Variants in ZNF268 observed in about 807,000 individuals in gnomAD.
The protein encoded by ZNF268 is zinc finger protein 268.
ZNF268 carries 20 observed loss-of-function variants against 29.3 expected under a neutral mutation model. The observed-to-expected ratio is 0.68, with a 90% CI of 0.48 to 0.99. The LOEUF is 0.99. ZNF268 is among the 50% of genes least tolerant of loss of function. ZNF268 has a pLI of 0.00. For synonymous variants in ZNF268, 429 were observed against 376.9 expected, an observed-to-expected ratio of 1.14 and a Z score of -1.60; for missense variants, 1,240 against 1,121.6, an observed-to-expected ratio of 1.11 and a Z score of -1.51.
chr12:133,185,477 G>C (rs1213628505), intron 2 of ZNF268, among the ~76,000 whole-genome samples: 1 of 150,640 alleles, frequency 6.6e-6, no homozygotes, highest in Non-Finnish European at 1.5e-5. Context: ...GGGAGTGAGA[G>C]AGAGGAGAGC....
intron 3 of ZNF268, among the ~76,000 whole-genome samples, chr12:133,189,736 G>C (rs77121947): frequency 6.6e-6 from 1 of 151,934 alleles, no homozygotes; most frequent in South Asian, 2.1e-4. Context: ...GGACAGTTTT[G>C]TTTCTTTCCA....
chr12:133,202,693 A>G lies in ZNF268; in HGVS notation c.1007A>G (p.Glu336Gly), dbSNP rs1159588942. ...GGAGAGAAACTACATGAATGCAGTG[A>G]ATGCAGGAAAACATTCAGTTTCCAT... ...HTGEKLHECS[E>G]CRKTFSFHSQ... The change falls in exon 6 of 6, where the codon GAA (glutamate) becomes GGA (glycine). Residue 336 changes from glutamate (E) to glycine (G), a missense_variant. Around this residue, in one of 3 missense-constraint regions of ZNF268, gnomAD observed 1,177 missense variants for 1,039.6 expected, o/e 1.13. Transcript: ENST00000536435. 3.1e-6 allele frequency: 5 copies of G among 1,610,710 alleles called. No homozygotes were observed. The highest frequency in any genetic ancestry group is 4.2e-6 in the Non-Finnish European group (5 of 1,178,358).
In ZNF268 at chr12:133,203,581, G is replaced by A; in HGVS notation, c.1895G>A (p.Arg632Lys). The A allele has an allele frequency of 6.4e-7, 1 of 1,568,504 alleles. No homozygotes were observed. Among genetic ancestry groups the A allele is most frequent in the Non-Finnish European group, 8.6e-7 (1 of 1,160,156 alleles). Reference protein sequence around the residue: ...NTKSNLIVHQRTHTGEKPYSC... With the variant: ...NTKSNLIVHQKTHTGEKPYSC... ...AAGTCAAACCTGATTGTACATCAGA[G>A]AACTCATACAGGAGAGAAACCCTAT... Residue 632 changes from arginine to lysine, a missense_variant, in exon 6 of 6, where the codon AGA becomes AAA. Physicochemically the swap from Arg to Lys is conservative, Grantham distance 26. Around this residue, in one of 3 missense-constraint regions of ZNF268, gnomAD observed 1,177 missense variants for 1,039.6 expected, o/e 1.13. Transcript: ENST00000536435.
chr12:133,192,461 A>G (rs945129006), intron 5 of ZNF268, among the ~76,000 whole-genome samples: 4 of 151,700 alleles, frequency 2.6e-5, no homozygotes, highest in South Asian at 2.1e-4. Context: ...TCCTTACTCT[A>G]TCTTGGTGAT....
chr12:133,204,404 T>A lies in ZNF268; in HGVS notation c.2718T>A (p.Ile906=). Residue 906 remains isoleucine (I), a synonymous_variant, in exon 6 of 6, where the codon ATT becomes ATA. Coordinates refer to ENST00000536435, the MANE Select transcript of ZNF268 (RefSeq NM_003415.3). ...GGAAAACCTTCTCTCAAAAATCAATTCTCAGTGCACATCAGAGAACACATA... is the reference window on the plus strand; with the variant it reads ...GGAAAACCTTCTCTCAAAAATCAATACTCAGTGCACATCAGAGAACACATA... ...ECGKTFSQKS[I]LSAHQRTHTG... is the part of the protein sequence containing the mutation. The A allele has an allele frequency of 1.0e-5, 16 of 1,569,230 alleles. No individual in the cohort carries two copies. Among genetic ancestry groups the A allele is most frequent in the Non-Finnish European group, 1.4e-5 (16 of 1,162,334 alleles).
intron 3 of ZNF268, among the ~76,000 whole-genome samples, chr12:133,189,513 C>T (rs1171462428): frequency 5.9e-5 from 9 of 152,146 alleles, no homozygotes; most frequent in Admixed American, 5.9e-4. Flanking sequence ...CGGCATCCAG[C>T]TAGTTTCTTA....
At chr12:133,193,587 C>T (rs1462096170) in intron 5 of ZNF268, 1 of 581,056 alleles carries the variant, frequency 1.7e-6, no homozygotes, top group African/African-American at 1.9e-5. Context: ...AGATCATTCC[C>T]TCAAGCCCTT....
intron 5 of ZNF268, among the ~76,000 whole-genome samples, chr12:133,200,129 A>G (rs933252169): frequency 6.6e-6 from 1 of 151,930 alleles, no homozygotes; most frequent in Non-Finnish European, 1.5e-5. Flanking sequence ...TAAGGTGTCA[A>G]TTTTGGATCT....
Position 133,206,461 on chromosome 12 carries a change from C to T in ZNF268, c.*1931C>T, listed in dbSNP as rs1312011330. ...ACTTAGTTACATGTAGCTATAGAGTCACAGTGGTGAAAAACTCTGCCAGTT... is the reference window on the plus strand; with the variant it reads ...ACTTAGTTACATGTAGCTATAGAGTTACAGTGGTGAAAAACTCTGCCAGTT... On this transcript the variant is annotated 3_prime_UTR_variant, in exon 6 of 6. Transcript: ENST00000536435. The T allele has an allele frequency of 6.6e-6, 1 of 152,136 alleles. No individual in the cohort carries two copies. Among genetic ancestry groups the T allele is most frequent in the African/African-American group, 2.4e-5 (1 of 41,432 alleles). 9.4% of individuals were successfully genotyped at this position (152,136 alleles called of 1,614,324 possible).
intron 4 of ZNF268, 33 bp downstream of exon 4, chr12:133,191,648 C>T (rs553435601): frequency 4.7e-5 from 76 of 1,608,896 alleles, no homozygotes; most frequent in East Asian, 2.7e-4. Context: ...GGAGTGTGCT[C>T]GATCTCCAGG....
chr12:133,196,823 T>C (rs1224387830), intron 5 of ZNF268, among the ~76,000 whole-genome samples: 1 of 152,146 alleles, frequency 6.6e-6, no homozygotes, highest in African/African-American at 2.4e-5. Context: ...CAGTGGGGAA[T>C]TGATGTTTGG....
intron 3 of ZNF268, among the ~76,000 whole-genome samples, chr12:133,191,076 G>A (rs1043587637): frequency 1.3e-5 from 2 of 152,018 alleles, no homozygotes; most frequent in African/African-American, 2.4e-5. Flanking sequence ...TAGCACTTTG[G>A]GAGGCCGAGA....
rs1298332332 is a variant in ZNF268 at position 133,210,439 on chromosome 12, A to C, written c.*5909A>C. 5.1e-6 allele frequency: 1 copy of C among 195,682 alleles called. No individual in the cohort carries two copies. Among genetic ancestry groups the C allele is most frequent in the East Asian group, 1.1e-4 (1 of 8,808 alleles). 12.1% of individuals were successfully genotyped at this position (195,682 alleles called of 1,614,324 possible). Reference sequence around the variant, plus strand: ...CCCAGGTTGGTCCTGAGGAGAAGGAAGCTCAGAACCTCACTGTGGATTTGC... The same window carrying C: ...CCCAGGTTGGTCCTGAGGAGAAGGACGCTCAGAACCTCACTGTGGATTTGC... On this transcript the variant is annotated 3_prime_UTR_variant, in exon 6 of 6. Coordinates refer to ENST00000536435, the MANE Select transcript of ZNF268 (RefSeq NM_003415.3).
At chr12:133,199,841 C>T (rs1288014900) in intron 5 of ZNF268, among the ~76,000 whole-genome samples, 2 of 152,176 alleles carry the variant, frequency 1.3e-5, no homozygotes, top group Non-Finnish European at 2.9e-5. Flanking sequence ...TTGTAGCATT[C>T]TCTGATGGTA....
In ZNF268 at chr12:133,202,667, A is replaced by T. The variant is rs913242055; in HGVS notation, c.981A>T (p.Thr327=). The T allele has an allele frequency of 6.2e-7, 1 of 1,607,492 alleles. No individual in the cohort carries two copies. The highest frequency in any genetic ancestry group is 1.3e-5 in the African/African-American group (1 of 74,968). Residue 327 remains threonine, a synonymous_variant, in exon 6 of 6, where the codon ACA becomes ACT. Transcript: ENST00000536435. ...TCATTGTACATCAGAGAATTCATAC[A>T]GGAGAGAAACTACATGAATGCAGTG... The part of the protein sequence containing the change: ...SYLIVHQRIH[T]GEKLHECSEC...
At chr12:133,201,284 T>A (rs901116312) in intron 5 of ZNF268, among the ~76,000 whole-genome samples, 8 of 152,072 alleles carry the variant, frequency 5.3e-5, no homozygotes, top group Admixed American at 3.9e-4. Flanking sequence ...TTTTTCTGAC[T>A]TGCTTCAGAG....
At position 133,208,943 on chromosome 12, in the gene ZNF268, G is replaced by A. The variant is rs1350951226; in HGVS notation, c.*4413G>A. On this transcript the variant is annotated 3_prime_UTR_variant, in exon 6 of 6. Coordinates refer to ENST00000536435, the MANE Select transcript of ZNF268 (RefSeq NM_003415.3). ...AAGCTCCTTATATGGCATAGTATTT[G>A]CATTTTTTTTTTTTTTTTTGAGATG... The A allele has an allele frequency of 2.4e-5, 3 of 125,336 alleles. No individual in the cohort carries two copies. Among genetic ancestry groups the A allele is most frequent in the African/African-American group, 9.6e-5 (3 of 31,220 alleles). The allele number at this position is 125,336 out of a possible 1,614,324, so 7.8% of individuals were successfully genotyped here.
In ZNF268 at chr12:133,209,100, C is replaced by G. The variant is rs1249125555; in HGVS notation, c.*4570C>G. 6.6e-6 allele frequency: 1 copy of G among 152,096 alleles called. No homozygotes were observed. The highest frequency in any genetic ancestry group is 2.4e-5 in the African/African-American group (1 of 41,378). The allele number at this position is 152,096 out of a possible 1,614,324, so 9.4% of individuals were successfully genotyped here. A position where few individuals can be genotyped will look rare whatever the true frequency, so the allele number is the denominator to read the frequency against. On this transcript the variant is annotated 3_prime_UTR_variant, in exon 6 of 6. Coordinates refer to ENST00000536435, the MANE Select transcript of ZNF268 (RefSeq NM_003415.3). Reference sequence around the variant, plus strand: ...CTGGAATTACAGGCACACGCCACCACGCCCAGCTAATTTTTGTGTTTTTAG... The same window carrying G: ...CTGGAATTACAGGCACACGCCACCAGGCCCAGCTAATTTTTGTGTTTTTAG...
At chr12:133,200,716 A>T (rs1956733148) in intron 5 of ZNF268, among the ~76,000 whole-genome samples, 1 of 152,082 alleles carries the variant, frequency 6.6e-6, no homozygotes, top group Non-Finnish European at 1.5e-5. Context: ...TGTGTTCACA[A>T]AGCTGTTTGC....
Sources: allele counts gnomAD v4.1 joint callset (sites outside exome capture counted in the v4.1 genomes callset), GRCh38; gene constraint gnomAD v4.1.1; regional missense constraint gnomAD v4.1.1; transcripts MANE v1.5; gene names NCBI Gene and HGNC (gene_info 2026-07-23, HGNC 2026-07-21).